Variants in PLGRKT observed in about 807,000 individuals in gnomAD.
PLGRKT encodes plasminogen receptor with a C-terminal lysine.
Under a neutral mutation model 18.5 loss-of-function variants are expected in PLGRKT, and 22 were observed. That is an observed-to-expected ratio of 1.19 (90% CI 0.85 to 1.70). PLGRKT has a LOEUF of 1.70. Among genes scored for constraint, PLGRKT ranks in the 40% most tolerant of loss-of-function variants. The pLI is 0.00. For synonymous variants in PLGRKT, 72 were observed against 52.8 expected (o/e 1.36, Z -1.58); for missense variants, 235 against 174.4 (o/e 1.35, Z -1.96).
chr9:5,375,599 T>C (rs144438525), intron 3 of PLGRKT, among the ~76,000 whole-genome samples: 1 of 152,270 alleles, frequency 6.6e-6, no homozygotes, highest in East Asian at 1.9e-4. Context: ...AATATGGACA[T>C]ACTTCATACA....
chr9:5,387,687 T>C (rs996652383), intron 3 of PLGRKT, among the ~76,000 whole-genome samples: 1 of 151,758 alleles, frequency 6.6e-6, no homozygotes, highest in Non-Finnish European at 1.5e-5. Flanking sequence ...CTGGGAATGA[T>C]CTATCTTTTG....
chr9:5,427,127 C>T (rs2131170471), intron 3 of PLGRKT, among the ~76,000 whole-genome samples: 1 of 152,102 alleles, frequency 6.6e-6, no homozygotes, highest in Non-Finnish European at 1.5e-5. Context: ...TTTAAATTAC[C>T]CATCATTCTG....
intron 3 of PLGRKT, among the ~76,000 whole-genome samples, chr9:5,402,180 G>A (rs779585008): frequency 1.4e-4 from 22 of 151,906 alleles, no homozygotes; most frequent in African/African-American, 3.2e-4. Context: ...ACAAAACCAC[G>A]AACATACTAT....
At chr9:5,391,511 C>T (rs10975094) in intron 3 of PLGRKT, among the ~76,000 whole-genome samples, 33,506 of 151,940 alleles carry the variant, frequency 0.22, 4,401 homozygotes, top group Non-Finnish European at 0.29. Context: ...TGACATCACA[C>T]TGGCCACATC....
chr9:5,382,585 G>A (rs1373133588), intron 3 of PLGRKT, among the ~76,000 whole-genome samples: 1 of 152,222 alleles, frequency 6.6e-6, no homozygotes, highest in African/African-American at 2.4e-5. Context: ...GGTAATGGAG[G>A]AAGGAGGGCA....
intron 3 of PLGRKT, among the ~76,000 whole-genome samples, chr9:5,409,358 G>C (rs986543367): frequency 2.0e-5 from 3 of 152,206 alleles, no homozygotes; most frequent in African/African-American, 7.2e-5. Context: ...GAAAAGGTTA[G>C]ACTGGCGTAG....
intron 3 of PLGRKT, among the ~76,000 whole-genome samples, chr9:5,425,022 T>C (rs909773504): frequency 6.6e-6 from 1 of 152,096 alleles, no homozygotes; most frequent in Non-Finnish European, 1.5e-5. Context: ...TCTCATGCAT[T>C]TTTAAAAAAC....
intron 3 of PLGRKT, among the ~76,000 whole-genome samples, chr9:5,419,318 T>C (rs138659789): frequency 1.5e-3 from 223 of 152,342 alleles, no homozygotes; most frequent in African/African-American, 5.0e-3. Context: ...TTTCACTCCA[T>C]TCTGAGCATG....
chr9:5,387,131 T>C (rs768068252), intron 3 of PLGRKT, among the ~76,000 whole-genome samples: 13 of 151,894 alleles, frequency 8.6e-5, no homozygotes, highest in African/African-American at 2.9e-4. Context: ...GATTTTCTAC[T>C]TCTAAGGAGC....
Position 5,418,560 on chromosome 9 carries a change from C to A in PLGRKT, c.81+13337G>T, listed in dbSNP as rs1818509766. 26 of 811,040 alleles carry A rather than the reference C, an allele frequency of 3.2e-5. No homozygotes were observed. The South Asian group carries it at 3.3e-4, about 10-fold the overall frequency. 50.2% of individuals were successfully genotyped at this position (811,040 alleles called of 1,614,324 possible). A position where few individuals can be genotyped will look rare whatever the true frequency, so the allele number is the denominator to read the frequency against. ...CCTGGGGAGCCCTGCCTTGCAGAGG[C>A]TGCTGTCCAGCAGGGATGGTCACCA... On this transcript the variant is annotated intron_variant, in intron 3 of 5. Coordinates refer to ENST00000223864, the MANE Select transcript of PLGRKT (RefSeq NM_018465.4). The surrounding 1 kb of genome is among the most constrained non-coding windows in gnomAD (Gnocchi z 4.2).
intron 4 of PLGRKT, 103 bp from the exon 5 acceptor site, chr9:5,361,290 T>G: frequency 1.6e-6 from 1 of 636,870 alleles, no homozygotes; most frequent in Non-Finnish European, 2.7e-6. Context: ...GAAGAATGCC[T>G]TTTCCTTCAG....
intron 3 of PLGRKT, among the ~76,000 whole-genome samples, chr9:5,424,886 T>C (rs889921571): frequency 6.6e-6 from 1 of 151,358 alleles, no homozygotes; most frequent in Non-Finnish European, 1.5e-5. Context: ...ACCAGGATTA[T>C]AGGCGTGAGC....
At chr9:5,394,431 G>C (rs1818007095) in intron 3 of PLGRKT, among the ~76,000 whole-genome samples, 1 of 151,802 alleles carries the variant, frequency 6.6e-6, no homozygotes, top group African/African-American at 2.4e-5. Flanking sequence ...GTTTGTTTTT[G>C]AGAAGGAGTC....
intron 3 of PLGRKT, among the ~76,000 whole-genome samples, chr9:5,380,818 T>C (rs1031985677): frequency 6.6e-6 from 1 of 152,196 alleles, no homozygotes; most frequent in African/African-American, 2.4e-5. Context: ...CTAATATGGT[T>C]TGGCTCTGTG....
intron 3 of PLGRKT, among the ~76,000 whole-genome samples, chr9:5,391,114 T>G (rs1396670829): frequency 6.6e-6 from 1 of 151,966 alleles, no homozygotes; most frequent in Non-Finnish European, 1.5e-5. Context: ...CACAAGACTT[T>G]AAAAACTTGA....
intron 3 of PLGRKT, among the ~76,000 whole-genome samples, chr9:5,422,958 C>A (rs1403737533): frequency 6.6e-6 from 1 of 152,084 alleles, no homozygotes; most frequent in African/African-American, 2.4e-5. Context: ...TTTCGAAACA[C>A]CTGGCTGACT....
In PLGRKT at chr9:5,378,649, T is replaced by C. The variant is rs185803065; in HGVS notation, c.82-16761A>G. Among the ~76,000 whole-genome samples, 272 of 152,294 alleles carry C rather than the reference T, an allele frequency of 1.8e-3. 1 individual carries two copies. The highest frequency in any genetic ancestry group is 6.0e-3 in the African/African-American group (250 of 41,544). On this transcript the variant is annotated intron_variant, in intron 3 of 5. Coordinates refer to ENST00000223864, the MANE Select transcript of PLGRKT (RefSeq NM_018465.4). The stretch of plus-strand genomic sequence containing the variant: ...ATTAATTGAGTTGTACACTTTAACA[T>C]TGATAAAAGGCATATATAATTAATG...
chr9:5,426,258 G>C (rs1306044792), intron 3 of PLGRKT, among the ~76,000 whole-genome samples: 1 of 152,124 alleles, frequency 6.6e-6, no homozygotes, highest in Non-Finnish European at 1.5e-5. Context: ...AGCTTAGTGG[G>C]AGATTCGCTG....
At chr9:5,368,173 A>C (rs180941048) in intron 3 of PLGRKT, among the ~76,000 whole-genome samples, 14 of 152,304 alleles carry the variant, frequency 9.2e-5, no homozygotes, top group Middle Eastern at 3.4e-3. Context: ...AGCAGTTTAG[A>C]GATTTCTCAA....
Sources: allele counts gnomAD v4.1 joint callset (sites outside exome capture counted in the v4.1 genomes callset), GRCh38; gene constraint gnomAD v4.1.1; non-coding constraint Gnocchi (gnomAD v3.1); transcripts MANE v1.5; gene names NCBI Gene and HGNC (gene_info 2026-07-23, HGNC 2026-07-21).